The following RASGRP1 variants were observed in gnomAD, a reference collection of about 807,000 sequenced individuals.
RASGRP1 encodes RAS guanyl releasing protein 1, also known as RAS guanyl-releasing protein 1.
RASGRP1 carries 37 observed loss-of-function variants against 95.1 expected under a neutral mutation model. That is an observed-to-expected ratio of 0.39 (90% CI 0.30 to 0.51). The LOEUF (loss-of-function observed/expected upper bound fraction) is 0.51. RASGRP1 is among the 20% of genes least tolerant of loss of function. RASGRP1 has a pLI of 0.80. For missense variants in RASGRP1, 711 were observed against 965.4 expected, an observed-to-expected ratio of 0.74 and a Z score of 3.49; for synonymous variants, 325 against 353.4, an observed-to-expected ratio of 0.92 and a Z score of 0.90.
chr15:38,554,798 T>C (rs1196449985), intron 2 of RASGRP1, among the ~76,000 whole-genome samples: 1 of 152,196 alleles, frequency 6.6e-6, no homozygotes, highest in African/African-American at 2.4e-5. Context: ...GGACCATCCT[T>C]TACACGTGAA....
exon 1 of RASGRP1, chr15:38,564,810 AGCGCGCCCCCTCTGCCTCGCGC>A (rs1474021019): frequency 2.9e-6 from 1 of 344,956 alleles, no homozygotes; most frequent in African/African-American, 2.2e-5. Flanking sequence ...ACTTTGTGCG[AGCGCGCCCCCTCTGCCTCGCGC>A]GCGCGCTCAC....
chr15:38,492,292 CTTAATA>C (rs1335314802), intron 16 of RASGRP1, among the ~76,000 whole-genome samples: 1 of 152,140 alleles, frequency 6.6e-6, no homozygotes, highest in African/African-American at 2.4e-5. Context: ...GTATGTTTCT[CTTAATA>C]TTATGTTCTT....
rs988984550 is a variant in RASGRP1, at chr15:38,564,658, C to G, written c.-30G>C. The G allele has an allele frequency of 2.4e-6, 3 of 1,272,324 alleles. No homozygotes were observed. The African/African-American group carries it at 4.7e-5, about 20-fold the overall frequency. 78.8% of individuals were successfully genotyped at this position (1,272,324 alleles called of 1,614,324 possible). ...GCGGCCCGCGCTCCCGGTGCCGGCT[C>G]ACCTAGCGCGGCCGGGCGCGGCGCA... On this transcript the variant is annotated 5_prime_UTR_variant, in exon 1 of 17. Coordinates refer to ENST00000310803, the MANE Select transcript of RASGRP1 (RefSeq NM_005739.4).
chr15:38,491,241 T>A (rs1008883863), intron 16 of RASGRP1, among the ~76,000 whole-genome samples: 1 of 152,218 alleles, frequency 6.6e-6, no homozygotes, highest in African/African-American at 2.4e-5. Flanking sequence ...GAGTCCAGTG[T>A]TCTTATGTTA....
chr15:38,545,953 A>C (rs1893087579), intron 2 of RASGRP1, among the ~76,000 whole-genome samples: 2 of 152,208 alleles, frequency 1.3e-5, no homozygotes, highest in African/African-American at 4.8e-5. Flanking sequence ...TTCATGGGAA[A>C]ATTTAAATTA....
intron 1 of RASGRP1, among the ~76,000 whole-genome samples, chr15:38,561,947 C>A (rs1893827564): frequency 6.6e-6 from 1 of 152,154 alleles, no homozygotes; most frequent in South Asian, 2.1e-4. Context: ...GTGCTGGGGA[C>A]TGACCCTGTC....
intron 2 of RASGRP1, among the ~76,000 whole-genome samples, chr15:38,552,548 G>A (rs74885412): frequency 2.0e-5 from 3 of 152,116 alleles, no homozygotes; most frequent in Admixed American, 6.6e-5. Flanking sequence ...CACTGAACAC[G>A]GAGCTGGGAA....
chr15:38,505,610 G>A (rs1221985405), intron 10 of RASGRP1, among the ~76,000 whole-genome samples: 1 of 145,152 alleles, frequency 6.9e-6, no homozygotes, highest in African/African-American at 2.5e-5. Context: ...TTATTCACTG[G>A]TCACACATTA....
Position 38,501,858 on chromosome 15 carries a change from T to G in RASGRP1, c.1538+454A>C, listed in dbSNP as rs545131837. ...TATGGAATGTTCAATTCAGTTTTTGTTTTTTTTTTTTTTGAGACAGGTTTT... is the reference window on the plus strand; with the variant it reads ...TATGGAATGTTCAATTCAGTTTTTGGTTTTTTTTTTTTTGAGACAGGTTTT... On this transcript the variant is annotated intron_variant, in intron 12 of 16. Transcript: ENST00000310803. 8.7e-3 allele frequency among the ~76,000 whole-genome samples: 856 copies of G among 98,634 alleles called. 12 individuals are homozygous for G. Among genetic ancestry groups the G allele is most frequent in the African/African-American group, 0.028 (809 of 28,664 alleles). 64.7% of individuals were successfully genotyped at this position (98,634 alleles called of 152,430 possible). A position where few individuals can be genotyped will look rare whatever the true frequency, so the allele number is the denominator to read the frequency against.
intron 6 of RASGRP1, among the ~76,000 whole-genome samples, chr15:38,513,834 A>T (rs773790408): frequency 1.3e-5 from 2 of 151,864 alleles, no homozygotes; most frequent in Non-Finnish European, 2.9e-5. Context: ...TCCCTTCTCA[A>T]CTCTTCCCTT....
At chr15:38,505,528 C>G (rs142859662) in intron 10 of RASGRP1, among the ~76,000 whole-genome samples, 1 of 152,320 alleles carries the variant, frequency 6.6e-6, no homozygotes, top group African/African-American at 2.4e-5. Flanking sequence ...TCTTCCTTCT[C>G]TACTTTGTAA....
chr15:38,536,357 G>A (rs1439318108), intron 2 of RASGRP1, among the ~76,000 whole-genome samples: 1 of 152,168 alleles, frequency 6.6e-6, no homozygotes, highest in African/African-American at 2.4e-5. Context: ...AAGGGCCAGT[G>A]GACCCAAAGA....
rs1347383498 is a variant in RASGRP1, at chr15:38,510,318, TG to T, written c.966+1285del. Among the ~76,000 whole-genome samples, 3 of 152,360 alleles carry T rather than the reference TG, an allele frequency of 2.0e-5. No homozygotes were observed. In the East Asian group the frequency reaches 5.8e-4, roughly 29 times the overall value. ...CTGAGATGTGGGCAATCTTTTCAAC[TG>T]TTCCACCTGGTTTCAGCAGAACCGT... is the stretch of plus-strand genomic sequence containing the variant. On this transcript the variant is annotated intron_variant, in intron 8 of 16. Coordinates refer to ENST00000310803, the MANE Select transcript of RASGRP1 (RefSeq NM_005739.4).
intron 2 of RASGRP1, among the ~76,000 whole-genome samples, chr15:38,556,707 A>C (rs1893568600): frequency 6.6e-6 from 1 of 152,200 alleles, no homozygotes. Flanking sequence ...GAAATCTTAC[A>C]TTTAACTTTA....
intron 2 of RASGRP1, among the ~76,000 whole-genome samples, chr15:38,542,197 A>C (rs954255901): frequency 6.6e-6 from 1 of 152,140 alleles, no homozygotes. Flanking sequence ...CCTGTCTCAA[A>C]CAAACAACAC....
intron 3 of RASGRP1, among the ~76,000 whole-genome samples, chr15:38,521,362 C>T (rs62008292): frequency 0.022 from 3,344 of 152,182 alleles, 58 homozygotes; most frequent in African/African-American, 0.039. Flanking sequence ...TGACTTTTAC[C>T]GTGTCATTCA....
intron 8 of RASGRP1, among the ~76,000 whole-genome samples, chr15:38,509,288 A>C (rs1891399845): frequency 6.6e-6 from 1 of 152,208 alleles, no homozygotes; most frequent in Non-Finnish European, 1.5e-5. Flanking sequence ...AGTGAGAGTT[A>C]CTTGAACACA....
intron 2 of RASGRP1, among the ~76,000 whole-genome samples, chr15:38,544,040 C>A (rs1028275385): frequency 6.6e-6 from 1 of 152,080 alleles, no homozygotes; most frequent in South Asian, 2.1e-4. Flanking sequence ...GTATTTAATT[C>A]ATGGGACCTT....
intron 1 of RASGRP1, among the ~76,000 whole-genome samples, chr15:38,560,444 G>A (rs1055762257): frequency 3.9e-5 from 6 of 152,178 alleles, no homozygotes; most frequent in Non-Finnish European, 7.3e-5. Context: ...CACCTTGGGA[G>A]GCCAAGGCGG....
Sources: allele counts gnomAD v4.1 joint callset (sites outside exome capture counted in the v4.1 genomes callset), GRCh38; gene constraint gnomAD v4.1.1; transcripts MANE v1.5; gene names NCBI Gene and HGNC (gene_info 2026-07-23, HGNC 2026-07-21).